DGKG: variants seen among roughly 807,000 people sequenced by gnomAD.
DGKG encodes diacylglycerol kinase gamma, also known as DAG kinase gamma.
A neutral mutation model predicts 105.3 loss-of-function variants in DGKG; 78 were observed. That is an observed-to-expected ratio of 0.74 (90% CI 0.62 to 0.89). The LOEUF is 0.89. Among genes scored for constraint, DGKG ranks in the 40% least tolerant of loss-of-function variants. The pLI is 0.00. For missense variants in DGKG, 958 were observed against 1,020.1 expected (o/e 0.94, Z 0.83); for synonymous variants, 346 against 367.1 (o/e 0.94, Z 0.66).
intron 5 of DGKG, among the ~76,000 whole-genome samples, chr3:186,297,089 C>CACACACACACACACAT (rs1273580515): frequency 8.5e-5 from 12 of 142,000 alleles, no homozygotes; most frequent in African/African-American, 3.1e-4. Flanking sequence ...CACACACACA[C>CACACACACACACACAT]ACACACACAC....
chr3:186,207,985 C>A (rs1459410431), intron 21 of DGKG, among the ~76,000 whole-genome samples: 1 of 152,242 alleles, frequency 6.6e-6, no homozygotes, highest in Admixed American at 6.5e-5. Flanking sequence ...TCTCAAACAG[C>A]CACTAGCCTC....
chr3:186,293,067 C>A (rs571505329), intron 5 of DGKG, among the ~76,000 whole-genome samples: 4 of 152,256 alleles, frequency 2.6e-5, no homozygotes, highest in African/African-American at 9.6e-5. Flanking sequence ...ACCTACCATG[C>A]CTCACTCCCC....
intron 1 of DGKG, among the ~76,000 whole-genome samples, chr3:186,348,451 C>CATTT (rs1553824689): frequency 5.9e-5 from 3 of 50,702 alleles, no homozygotes; most frequent in African/African-American, 2.2e-4. Context: ...GGCTCATAAT[C>CATTT]TTTTTTTTTT....
chr3:186,214,651 A>T (rs1323820743), intron 20 of DGKG, among the ~76,000 whole-genome samples: 1 of 152,224 alleles, frequency 6.6e-6, no homozygotes, highest in Non-Finnish European at 1.5e-5. Flanking sequence ...TTGATTAATT[A>T]TCTTGACTGG....
intron 22 of DGKG, among the ~76,000 whole-genome samples, chr3:186,166,459 G>A (rs1010337258): frequency 3.3e-5 from 5 of 152,234 alleles, no homozygotes; most frequent in Non-Finnish European, 7.3e-5. Flanking sequence ...GTTTGTTTAG[G>A]AGAATGCTCC....
intron 14 of DGKG, among the ~76,000 whole-genome samples, chr3:186,263,266 A>C (rs935299380): frequency 6.6e-6 from 1 of 152,158 alleles, no homozygotes; most frequent in Admixed American, 6.5e-5. Flanking sequence ...AAATGATTGC[A>C]CTTAAAACAT....
At chr3:186,306,852 G>C (rs1364978520) in intron 3 of DGKG, 49 bp downstream of exon 3, 1 of 1,301,184 alleles carries the variant, frequency 7.7e-7, no homozygotes, top group African/African-American at 1.5e-5. Context: ...TTATGGAAAG[G>C]CTAAAAAACA....
intron 17 of DGKG, among the ~76,000 whole-genome samples, chr3:186,257,561 C>A (rs1489830861): frequency 6.6e-6 from 1 of 152,196 alleles, no homozygotes. Flanking sequence ...CTCCCACCCC[C>A]CAAATCTGGC....
intron 2 of DGKG, among the ~76,000 whole-genome samples, chr3:186,313,260 G>A (rs1056860080): frequency 2.0e-5 from 3 of 152,196 alleles, no homozygotes; most frequent in East Asian, 1.9e-4. Context: ...AACATGAGCC[G>A]AGGCTGAGGA....
intron 11 of DGKG, among the ~76,000 whole-genome samples, chr3:186,271,585 G>A (rs1406651859): frequency 6.6e-6 from 1 of 152,074 alleles, no homozygotes; most frequent in Non-Finnish European, 1.5e-5. Context: ...TCACAAATTC[G>A]ATCACATCTT....
rs149256778 is a variant in DGKG, at chr3:186,265,258, G to A, written c.1258C>T (p.Leu420Phe). The change falls in exon 14 of 25, where the codon CTT becomes TTT. Residue 420 changes from leucine (L) to phenylalanine (F), a missense_variant. Physicochemically the swap from Leu to Phe is conservative, Grantham distance 22. Transcript: ENST00000265022. ...SDGCVSAKGE[L>F]VMQYKIIPTP... ...AGCTCATGAGGTACCTGCATGACAA[G>A]TTCGCCCTTGGCGGACACGCAGCCA... The A allele has an allele frequency of 2.4e-5, 39 of 1,614,112 alleles. No individual in the cohort carries two copies. The highest frequency in any genetic ancestry group is 3.0e-5 in the Non-Finnish European group (35 of 1,180,040).
chr3:186,279,155 G>A (rs760132347), intron 9 of DGKG: 5 of 152,120 alleles, frequency 3.3e-5, no homozygotes, highest in Admixed American at 1.3e-4. Flanking sequence ...GGTCTTTAAG[G>A]CCACCTGCTC....
intron 10 of DGKG, among the ~76,000 whole-genome samples, chr3:186,275,237 T>C (rs528916364): frequency 6.6e-6 from 1 of 152,298 alleles, no homozygotes; most frequent in African/African-American, 2.4e-5. Flanking sequence ...AGAATAAATA[T>C]TGACTAGAAA....
chr3:186,304,267 G>A (rs552059511), intron 3 of DGKG, among the ~76,000 whole-genome samples: 13 of 152,390 alleles, frequency 8.5e-5, no homozygotes, highest in African/African-American at 3.1e-4. Flanking sequence ...GTGTGGGGCA[G>A]TGAGTTCTTT....
At chr3:186,172,139 G>T (rs541682655) in intron 22 of DGKG, among the ~76,000 whole-genome samples, 1 of 152,164 alleles carries the variant, frequency 6.6e-6, no homozygotes, top group Non-Finnish European at 1.5e-5. Context: ...GAGCCACCGC[G>T]CCCAGTGCCC....
chr3:186,358,584 CA>C, intron 1 of DGKG, among the ~76,000 whole-genome samples: 1 of 151,136 alleles, frequency 6.6e-6, no homozygotes, highest in African/African-American at 2.4e-5. Context: ...CACCTGAGGA[CA>C]TTTTTTTTAA....
chr3:186,276,561 A>G (rs553882351), intron 9 of DGKG, among the ~76,000 whole-genome samples: 3 of 152,340 alleles, frequency 2.0e-5, no homozygotes, highest in African/African-American at 4.8e-5. Context: ...CGCAGAAAAA[A>G]TAGTGAAAAG....
intron 19 of DGKG, among the ~76,000 whole-genome samples, chr3:186,247,056 G>C (rs1204636077): frequency 6.6e-6 from 1 of 152,140 alleles, no homozygotes; most frequent in Non-Finnish European, 1.5e-5. Flanking sequence ...TAAAAATAAA[G>C]AACAGGGAGG....
chr3:186,152,591 C>A (rs1258427403), intron 24 of DGKG, among the ~76,000 whole-genome samples: 1 of 152,176 alleles, frequency 6.6e-6, no homozygotes, highest in African/African-American at 2.4e-5. Flanking sequence ...TACGTGCTGG[C>A]AGTGGAGATG....
Sources: allele counts gnomAD v4.1 joint callset (sites outside exome capture counted in the v4.1 genomes callset), GRCh38; gene constraint gnomAD v4.1.1; transcripts MANE v1.5; gene names NCBI Gene and HGNC (gene_info 2026-07-23, HGNC 2026-07-21).